PIEZO2: variants seen among roughly 807,000 people sequenced by gnomAD.
PIEZO2 encodes the protein piezo type mechanosensitive ion channel component 2.
In PIEZO2, 172 loss-of-function variants were observed where a neutral mutation model predicts 337.3. The observed-to-expected ratio is 0.51, with a 90% CI of 0.45 to 0.58. The LOEUF (loss-of-function observed/expected upper bound fraction) is 0.58. PIEZO2 is among the 20% of genes least tolerant of loss of function. PIEZO2 has a pLI of 0.00. For missense variants in PIEZO2, 3,028 were observed against 3,391.3 expected (o/e 0.89, Z 2.66); for synonymous variants, 1,251 against 1,228.5 (o/e 1.02, Z -0.38).
Position 10,696,528 on chromosome 18 carries a change from A to C in PIEZO2, c.6839T>G (p.Ile2280Ser), listed in dbSNP as rs761508894. 5.6e-6 allele frequency: 9 copies of C among 1,613,404 alleles called. No homozygotes were observed. Among genetic ancestry groups the C allele is most frequent in the Non-Finnish European group, 6.8e-6 (8 of 1,179,952 alleles). ...AAAGAACTGTTTGATGGGCACATAG[A>C]TCTCCAGCGTCCTGCAAAATGGAGA... ...KAFTIKKTLEIYVPIKQFFYN... is the reference protein window; with the variant it reads ...KAFTIKKTLESYVPIKQFFYN... The change falls in exon 46 of 56, where the codon ATC becomes AGC. Residue 2280 changes from isoleucine (I) to serine (S), a missense_variant. By Grantham distance (142) the Ile-to-Ser change is moderately radical. Coordinates refer to ENST00000674853, the MANE Select transcript of PIEZO2 (RefSeq NM_001378183.1).
intron 2 of PIEZO2, among the ~76,000 whole-genome samples, chr18:11,000,336 T>C (rs2035484899): frequency 1.3e-5 from 2 of 152,210 alleles, no homozygotes; most frequent in Admixed American, 6.5e-5. Flanking sequence ...CAAAAGAAAG[T>C]AGGTTTTTTC....
intron 2 of PIEZO2, among the ~76,000 whole-genome samples, chr18:11,039,824 A>G (rs2037055719): frequency 6.6e-6 from 1 of 152,058 alleles, no homozygotes; most frequent in African/African-American, 2.4e-5. Context: ...AAAACTAGCA[A>G]AATAAGCTAA....
chr18:10,984,692 A>G (rs1388868892), intron 2 of PIEZO2, among the ~76,000 whole-genome samples: 3 of 152,184 alleles, frequency 2.0e-5, no homozygotes, highest in Non-Finnish European at 4.4e-5. Context: ...TAATGACAGA[A>G]AACTTTCCAA....
intron 29 of PIEZO2, among the ~76,000 whole-genome samples, chr18:10,749,545 AT>A: frequency 6.6e-6 from 1 of 152,328 alleles, no homozygotes; most frequent in South Asian, 2.1e-4. Context: ...TCTGGGTGCC[AT>A]GGTAGGCCAC....
chr18:10,844,745 C>A (rs1241012639), intron 7 of PIEZO2, among the ~76,000 whole-genome samples: 1 of 149,068 alleles, frequency 6.7e-6, no homozygotes, highest in Non-Finnish European at 1.5e-5. Flanking sequence ...GCCAAGATGG[C>A]ACCACTGCAC....
chr18:10,724,669 C>A lies in PIEZO2; in HGVS notation c.5030-6410G>T. The A allele has an allele frequency of 2.2e-6, 2 of 912,892 alleles. No homozygotes were observed. The highest frequency in any genetic ancestry group is 2.5e-5 in the East Asian group (1 of 40,604). 56.5% of individuals were successfully genotyped at this position (912,892 alleles called of 1,614,324 possible). ...GTATGATCAGGCACCCACCAGCCCACCTACCAGTCTGCTGTCCCTGCGTCA... is the reference window on the plus strand; with the variant it reads ...GTATGATCAGGCACCCACCAGCCCAACTACCAGTCTGCTGTCCCTGCGTCA... On this transcript the variant is annotated intron_variant, in intron 36 of 55. Coordinates refer to ENST00000674853, the MANE Select transcript of PIEZO2 (RefSeq NM_001378183.1). The surrounding 1 kb of genome is among the most constrained non-coding windows in gnomAD (Gnocchi z 5.8).
At chr18:11,015,209 C>T (rs938158336) in intron 2 of PIEZO2, among the ~76,000 whole-genome samples, 3 of 149,016 alleles carry the variant, frequency 2.0e-5, no homozygotes, top group African/African-American at 5.0e-5. Context: ...GACAGCAATC[C>T]GGGGCCCCCC....
intron 5 of PIEZO2, among the ~76,000 whole-genome samples, chr18:10,860,531 G>T (rs552192975): frequency 2.6e-5 from 4 of 151,992 alleles, no homozygotes; most frequent in Non-Finnish European, 5.9e-5. Flanking sequence ...CCACACCATC[G>T]TCAACACACA....
At chr18:10,715,450 T>G (rs766163443) in intron 38 of PIEZO2, among the ~76,000 whole-genome samples, 200 bp downstream of exon 38, 1 of 152,190 alleles carries the variant, frequency 6.6e-6, no homozygotes, top group Non-Finnish European at 1.5e-5. Context: ...CGTGTGTGTG[T>G]GTAGGTGCAT....
rs756753673 is a variant in PIEZO2 at position 10,789,275 on chromosome 18, A to C, written c.1973T>G (p.Val658Gly). The change falls in exon 15 of 56, where the codon GTA becomes GGA. Residue 658 changes from valine (V) to glycine (G), a missense_variant. Transcript: ENST00000674853. ...AKEEKQERKK[V>G]EQEEAEEEDE... is the part of the protein sequence containing the mutation. ...TTCTTCTTCAGCTTCCTCTTGCTCT[A>C]CCTTCTTTCTCTCTTGCTTCTCTTC... The C allele has an allele frequency of 1.2e-4, 178 of 1,537,028 alleles. No homozygotes were observed. Among genetic ancestry groups the C allele is most frequent in the Non-Finnish European group, 1.5e-4 (171 of 1,146,876 alleles).
chr18:10,825,723 G>C (rs58906929), intron 7 of PIEZO2, among the ~76,000 whole-genome samples: 2 of 151,458 alleles, frequency 1.3e-5, no homozygotes, highest in Non-Finnish European at 2.9e-5. Context: ...GCTAATTTTT[G>C]TATTTTTAGT....
intron 2 of PIEZO2, among the ~76,000 whole-genome samples, chr18:10,999,364 T>C (rs770043263): frequency 5.3e-5 from 8 of 152,158 alleles, no homozygotes; most frequent in Non-Finnish European, 1.2e-4. Flanking sequence ...GTCCTCCATA[T>C]CTGTGGACTC....
At chr18:11,045,292 T>A (rs1264149911) in intron 2 of PIEZO2, among the ~76,000 whole-genome samples, 1 of 50,118 alleles carries the variant, frequency 2.0e-5, no homozygotes, top group Non-Finnish European at 3.2e-5. Context: ...TGAGACTCCG[T>A]CTCAAAAAAA....
chr18:10,777,273 A>T (rs2144038710), intron 18 of PIEZO2, among the ~76,000 whole-genome samples: 1 of 152,294 alleles, frequency 6.6e-6, no homozygotes, highest in South Asian at 2.1e-4. Flanking sequence ...GTTCTAACGG[A>T]GCAGATGACA....
rs186450195 is a variant in PIEZO2 at position 10,718,744 on chromosome 18, G to A, written c.5030-485C>T. ...TTTACTATCAATGCTGGGTGCAGTG[G>A]CTCATGCCTGTAGTCCCAGCACTTT... On this transcript the variant is annotated intron_variant, in intron 36 of 55. Transcript: ENST00000674853. Among the ~76,000 whole-genome samples the A allele has an allele frequency of 1.3e-3, 205 of 152,256 alleles. 5 individuals carry two copies. The East Asian group carries it at 0.032, about 24-fold the overall frequency.
chr18:10,976,813 T>C (rs931673539), intron 3 of PIEZO2, among the ~76,000 whole-genome samples: 3 of 152,100 alleles, frequency 2.0e-5, no homozygotes, highest in African/African-American at 7.2e-5. Context: ...TAATACTGGT[T>C]GGGCAAGGAA....
intron 18 of PIEZO2, among the ~76,000 whole-genome samples, chr18:10,776,384 T>C (rs1228453506): frequency 6.6e-6 from 1 of 152,232 alleles, no homozygotes; most frequent in African/African-American, 2.4e-5. Context: ...CTTCTAATGG[T>C]AGATTTTCAT....
rs1373754146 is a variant in PIEZO2, at chr18:10,750,877, C to T, written c.4168-690G>A. 6.6e-6 allele frequency among the ~76,000 whole-genome samples: 1 copy of T among 152,180 alleles called. No individual in the cohort carries two copies. The highest frequency in any genetic ancestry group is 1.5e-5 in the Non-Finnish European group (1 of 68,036). ...TCATCAGGATTTGCTCCAACAGCAG[C>T]AGTTACTCGTTATGGATTCCCCAGC... On this transcript the variant is annotated intron_variant, in intron 28 of 55. Transcript: ENST00000674853. This position sits in a 1 kb window ranked among gnomAD's most constrained non-coding sequence, Gnocchi z 4.1.
chr18:10,701,870 A>T, intron 43 of PIEZO2, 119 bp downstream of exon 43: 1 of 750,080 alleles, frequency 1.3e-6, no homozygotes. Context: ...AGTAGATACC[A>T]CTCACTGGCC....
Sources: allele counts gnomAD v4.1 joint callset (sites outside exome capture counted in the v4.1 genomes callset), GRCh38; gene constraint gnomAD v4.1.1; non-coding constraint Gnocchi (gnomAD v3.1); transcripts MANE v1.5; gene names NCBI Gene and HGNC (gene_info 2026-07-23, HGNC 2026-07-21).